Variants in EIF3A observed in about 807,000 individuals in gnomAD.
EIF3A encodes EIF3, p180 subunit.
Under a neutral mutation model 186.6 loss-of-function variants are expected in EIF3A, and 21 were observed. The ratio of observed to expected loss-of-function variants is 0.11; its 90% CI spans 0.08 to 0.16. EIF3A has a LOEUF of 0.16. Ranked by LOEUF, EIF3A falls within the 10% of genes least tolerant of loss-of-function variation. EIF3A has a pLI of 1.00. For synonymous variants in EIF3A, 563 were observed against 584.3 expected, an observed-to-expected ratio of 0.96 and a Z score of 0.52; for missense variants, 1,306 against 1,796.3, an observed-to-expected ratio of 0.73 and a Z score of 4.93.
chr10:119,050,659 A>G lies in EIF3A; in HGVS notation c.2335T>C (p.Phe779Leu). 6.2e-7 allele frequency: 1 copy of G among 1,613,942 alleles called. No individual in the cohort carries two copies. The highest frequency in any genetic ancestry group is 8.5e-7 in the Non-Finnish European group (1 of 1,180,010). Residue 779 changes from phenylalanine (F) to leucine (L), a missense_variant, in exon 16 of 22, where the codon TTT becomes CTT. Transcript: ENST00000369144. ...QSVYEEKLKQ[F>L]EERLAEERHN... is the part of the protein sequence containing the mutation. ...CTTTCTTCTGCTAATCGCTCTTCAA[A>G]CTGTTTAAGTTTTTCCTGCAATCGA...
At chr10:119,060,226 C>T (rs1472852819) in intron 9 of EIF3A, 3 of 478,342 alleles carry the variant, frequency 6.3e-6, no homozygotes, top group Non-Finnish European at 1.2e-5. Flanking sequence ...TGACTTAAGC[C>T]CCTGGACTAA....
At chr10:119,039,989 G>GT (rs1426727777) in intron 19 of EIF3A, among the ~76,000 whole-genome samples, 1 of 152,126 alleles carries the variant, frequency 6.6e-6, no homozygotes, top group Non-Finnish European at 1.5e-5. Flanking sequence ...TAGCAAATTA[G>GT]TAAGAATCTG....
rs1011140420 is a variant in EIF3A at position 119,035,409 on chromosome 10, C to T, written c.*630G>A. 2.0e-5 allele frequency: 3 copies of T among 151,212 alleles called. No individual in the cohort carries two copies. The highest frequency in any genetic ancestry group is 2.1e-4 in the South Asian group (1 of 4,774). The allele number at this position is 151,212 out of a possible 1,614,324, so 9.4% of individuals were successfully genotyped here. On this transcript the variant is annotated 3_prime_UTR_variant, in exon 22 of 22. Transcript: ENST00000369144. ...GCTATACTGTTTGGATTCACACTTG[C>T]GCAGTAATCTTGTCATTACAACAAC... is the stretch of plus-strand genomic sequence containing the variant.
At position 119,061,229 on chromosome 10, in the gene EIF3A, T is replaced by C. The variant is rs1251172647; in HGVS notation, c.1222A>G (p.Thr408Ala). 16 of 1,546,464 alleles carry C rather than the reference T, an allele frequency of 1.0e-5. No homozygotes were observed. Among genetic ancestry groups the C allele is most frequent in the Non-Finnish European group, 1.4e-5 (16 of 1,130,552 alleles). ...FNPLKLCERV[T>A]KVLNWVREQP... ...ACTTAAATACAAAGGCTTACCTTTG[T>C]GACTCGCTCACAGAGTTTTAATGGG... Residue 408 changes from threonine (T) to alanine (A), a missense_variant, in exon 8 of 22, where the codon ACA becomes GCA. Thr to Ala is a moderately conservative substitution (Grantham distance 58). Coordinates refer to ENST00000369144, the MANE Select transcript of EIF3A (RefSeq NM_003750.4).
Position 119,080,710 on chromosome 10 carries a change from G to C in EIF3A, c.-34C>G, listed in dbSNP as rs550831239. On this transcript the variant is annotated 5_prime_UTR_variant, in exon 1 of 22. Coordinates refer to ENST00000369144, the MANE Select transcript of EIF3A (RefSeq NM_003750.4). ...CAGGCTCAGCTCACCCGGCGTCAGC[G>C]AACTCTCTAGTGGCCCGGGCCGGGA... 6.3e-7 allele frequency: 1 copy of C among 1,575,624 alleles called. No individual in the cohort carries two copies. The highest frequency in any genetic ancestry group is 8.6e-7 in the Non-Finnish European group (1 of 1,162,028).
chr10:119,076,015 C>A (rs1844166240), intron 1 of EIF3A, among the ~76,000 whole-genome samples: 1 of 148,034 alleles, frequency 6.8e-6, no homozygotes, highest in South Asian at 2.2e-4. Context: ...CGTGAGCCAC[C>A]GCACCCAGCC....
Position 119,042,608 on chromosome 10 carries a change from C to T in EIF3A, c.2912G>A (p.Gly971Asp). 6.2e-7 allele frequency: 1 copy of T among 1,614,176 alleles called. No individual in the cohort carries two copies. The highest frequency in any genetic ancestry group is 8.5e-7 in the Non-Finnish European group (1 of 1,180,040). Residue 971 changes from glycine (G) to aspartate (D), a missense_variant, in exon 19 of 22, where the codon GGT becomes GAT. Transcript: ENST00000369144. This position sits in a 1 kb window ranked among gnomAD's most constrained non-coding sequence, Gnocchi z 7.8. The stretch of plus-strand genomic sequence containing the variant: ...ACGAGAGAACCTATCTTCCTCAGGA[C>T]CACGTCTAGGGCCTCTGTCATCATC... The part of the protein sequence containing the change: ...GMDDDRGPRR[G>D]PEEDRFSRRG...
chr10:119,080,573 CGACCTCGGA>C, intron 1 of EIF3A, 46 bp downstream of exon 1: 1 of 1,538,358 alleles, frequency 6.5e-7, no homozygotes, highest in Non-Finnish European at 8.7e-7. Context: ...CCCGCGCTCT[CGACCTCGGA>C]GGCCTCGGGC....
intron 7 of EIF3A, among the ~76,000 whole-genome samples, chr10:119,064,475 A>G (rs1207164259): frequency 6.6e-6 from 1 of 152,152 alleles, no homozygotes; most frequent in African/African-American, 2.4e-5. Context: ...TCCTCATGAT[A>G]AGAGTTCTCC....
At chr10:119,043,609 A>G (rs1031862399) in intron 18 of EIF3A, among the ~76,000 whole-genome samples, 1 of 151,936 alleles carries the variant, frequency 6.6e-6, no homozygotes, top group Non-Finnish European at 1.5e-5. Context: ...TCTCAAAACA[A>G]CAACAACAAC....
intron 21 of EIF3A, 32 bp from the exon 22 acceptor site, chr10:119,036,300 G>T: frequency 2.1e-6 from 3 of 1,398,722 alleles, no homozygotes; most frequent in Non-Finnish European, 2.0e-6. Flanking sequence ...AAAAAATTAA[G>T]TTAGTACTAT....
At chr10:119,041,720 A>AT (rs1379082840) in intron 19 of EIF3A, among the ~76,000 whole-genome samples, 1 of 152,250 alleles carries the variant, frequency 6.6e-6, no homozygotes, top group African/African-American at 2.4e-5. Flanking sequence ...TACTGAAAGC[A>AT]TGAGTACAGG....
rs1445465239 is a variant in EIF3A, at chr10:119,035,289, G to A, written c.*750C>T. ...AAATATTGTCATATTTAAAATGCTT[G>A]AAAGGCATGAATTCTCCATTAATGG... On this transcript the variant is annotated 3_prime_UTR_variant, in exon 22 of 22. Coordinates refer to ENST00000369144, the MANE Select transcript of EIF3A (RefSeq NM_003750.4). 1 of 152,604 alleles carries A rather than the reference G, an allele frequency of 6.6e-6. No homozygotes were observed. The highest frequency in any genetic ancestry group is 1.5e-5 in the Non-Finnish European group (1 of 68,032). The allele number at this position is 152,604 out of a possible 1,614,324, so 9.5% of individuals were successfully genotyped here.
chr10:119,042,800 T>G lies in EIF3A; in HGVS notation c.2748-28A>C. On this transcript the variant is annotated intron_variant, in intron 18 of 21. Coordinates refer to ENST00000369144, the MANE Select transcript of EIF3A (RefSeq NM_003750.4). This position sits in a 1 kb window ranked among gnomAD's most constrained non-coding sequence, Gnocchi z 7.8. Reference sequence around the variant, plus strand: ...ACACAGCAACAAGAACAATTAAAAATATATAAAATAAAAAAGCATATGATC... The same window carrying G: ...ACACAGCAACAAGAACAATTAAAAAGATATAAAATAAAAAAGCATATGATC... 3 of 1,530,254 alleles carry G rather than the reference T, an allele frequency of 2.0e-6. No homozygotes were observed. Among genetic ancestry groups the G allele is most frequent in the Non-Finnish European group, 2.6e-6 (3 of 1,147,832 alleles). 94.8% of individuals were successfully genotyped at this position (1,530,254 alleles called of 1,614,324 possible).
At chr10:119,056,643 A>T (rs1446321035) in intron 14 of EIF3A, 97 bp downstream of exon 14, 1 of 790,376 alleles carries the variant, frequency 1.3e-6, no homozygotes, top group Non-Finnish European at 2.1e-6. Flanking sequence ...TTTCTAGCAG[A>T]AGAATACAAA....
rs768003134 is a variant in EIF3A, at chr10:119,050,010, G to T, written c.2474-25C>A. 8 of 1,607,736 alleles carry T rather than the reference G, an allele frequency of 5.0e-6. No individual in the cohort carries two copies. In the African/African-American group the frequency reaches 1.1e-4, roughly 22 times the overall value. On this transcript the variant is annotated intron_variant, in intron 16 of 21. Coordinates refer to ENST00000369144, the MANE Select transcript of EIF3A (RefSeq NM_003750.4). ...TCTAGACCATTGATTAGGTTACTAA[G>T]TGTGCCTCCCAGCCATATCTTCCCC...
intron 4 of EIF3A, among the ~76,000 whole-genome samples, 184 bp downstream of exon 4, chr10:119,072,706 T>G (rs1290158311): frequency 6.6e-6 from 1 of 152,166 alleles, no homozygotes; most frequent in Non-Finnish European, 1.5e-5. Flanking sequence ...CCACCCACCT[T>G]GACCTCCCAA....
In EIF3A at chr10:119,035,054, T is replaced by TA. The variant is rs1848109784; in HGVS notation, c.*984dup. 1 of 152,658 alleles carries TA rather than the reference T, an allele frequency of 6.6e-6. No individual in the cohort carries two copies. Among genetic ancestry groups the TA allele is most frequent in the Non-Finnish European group, 1.5e-5 (1 of 68,040 alleles). 9.5% of individuals were successfully genotyped at this position (152,658 alleles called of 1,614,324 possible). A position where few individuals can be genotyped will look rare whatever the true frequency, so the allele number is the denominator to read the frequency against. ...TCAACACTAAAACAAATTCTGTAAG[T>TA]ATTTTATTTATCACTGAAGAAAAAA... On this transcript the variant is annotated 3_prime_UTR_variant, in exon 22 of 22. Transcript: ENST00000369144.
intron 21 of EIF3A, among the ~76,000 whole-genome samples, chr10:119,036,817 T>C (rs1200586161): frequency 6.6e-6 from 1 of 152,224 alleles, no homozygotes; most frequent in Non-Finnish European, 1.5e-5. Context: ...ATGTTTCTAC[T>C]TTGTGCTTAA....
Sources: gnomAD v4.1 joint callset for allele counts (sites outside exome capture counted in the v4.1 genomes callset) on GRCh38, gnomAD v4.1.1 for gene constraint, Gnocchi (gnomAD v3.1) non-coding constraint, MANE v1.5 for transcripts, NCBI Gene and HGNC (gene_info 2026-07-23, HGNC 2026-07-21) for gene names.